Variants in GON4L observed in about 807,000 individuals in gnomAD.
GON4L encodes the protein gon-4 like.
A neutral mutation model predicts 211.8 loss-of-function variants in GON4L; 87 were observed. The observed-to-expected ratio is 0.41, with a 90% CI of 0.35 to 0.49. GON4L has a LOEUF of 0.49. GON4L is among the 20% of genes least tolerant of loss of function. The pLI is 0.15. For synonymous variants in GON4L, 875 were observed against 962.6 expected (o/e 0.91, Z 1.68); for missense variants, 2,155 against 2,659.5 (o/e 0.81, Z 4.17).
chr1:155,813,883 G>C lies in GON4L; in HGVS notation c.1282-79C>G, dbSNP rs1163984539. 22 of 1,171,136 alleles carry C rather than the reference G, an allele frequency of 1.9e-5. No homozygotes were observed. In the Admixed American group the frequency reaches 3.7e-4, roughly 20 times the overall value. 72.5% of individuals were successfully genotyped at this position (1,171,136 alleles called of 1,614,324 possible). ...AAAGCAAAAAAAGGAAAAAAAGAGA[G>C]GGAAAAAGAGGCAGACTTTCCATAC... On this transcript the variant is annotated intron_variant, in intron 9 of 31. Transcript: ENST00000368331.
intron 2 of GON4L, among the ~76,000 whole-genome samples, chr1:155,838,924 G>T (rs968751057): frequency 6.6e-6 from 1 of 151,592 alleles, no homozygotes; most frequent in Non-Finnish European, 1.5e-5. Context: ...ATTAAGAAAG[G>T]AATATTATAT....
intron 2 of GON4L, chr1:155,846,083 A>C (rs1438848014): frequency 4.4e-6 from 1 of 225,994 alleles, no homozygotes; most frequent in Non-Finnish European, 9.9e-6. Flanking sequence ...GCCAGTCATT[A>C]GCCTATAGGA....
intron 2 of GON4L, among the ~76,000 whole-genome samples, chr1:155,832,663 TAAC>T (rs1045391994): frequency 3.9e-5 from 6 of 152,016 alleles, no homozygotes; most frequent in South Asian, 4.2e-4. Flanking sequence ...AAACAAACAA[TAAC>T]AACAACAAAA....
intron 13 of GON4L, 119 bp from the exon 14 acceptor site, chr1:155,784,208 A>G: frequency 1.5e-6 from 2 of 1,373,008 alleles, no homozygotes; most frequent in Admixed American, 3.9e-5. Flanking sequence ...TGGCACCCAG[A>G]AAGAGCCAAT....
At chr1:155,749,246 C>T (rs986132239), downstream of GON4L, 18 of 1,550,470 alleles carry the variant, frequency 1.2e-5, no homozygotes, top group African/African-American at 2.3e-4. Flanking sequence ...GAGCAAAACT[C>T]TGTCTCAAAA....
intron 3 of GON4L, among the ~76,000 whole-genome samples, chr1:155,826,048 A>G (rs1669180327): frequency 6.6e-6 from 1 of 152,064 alleles, no homozygotes; most frequent in Non-Finnish European, 1.5e-5. Context: ...TGTGTCTCAA[A>G]AAAAAAGAAA....
At chr1:155,780,219 T>C (rs1664282000) in intron 14 of GON4L, among the ~76,000 whole-genome samples, 1 of 152,228 alleles carries the variant, frequency 6.6e-6, no homozygotes, top group African/African-American at 2.4e-5. Flanking sequence ...TTTTAGTATA[T>C]CCTTTTCCTG....
At chr1:155,839,083 G>T (rs918894078) in intron 2 of GON4L, among the ~76,000 whole-genome samples, 1 of 151,994 alleles carries the variant, frequency 6.6e-6, no homozygotes, top group African/African-American at 2.4e-5. Flanking sequence ...TTGAGAAAAA[G>T]AATAATTGTG....
intron 3 of GON4L, among the ~76,000 whole-genome samples, chr1:155,825,799 T>C (rs561354551): frequency 6.6e-6 from 1 of 151,828 alleles, no homozygotes; most frequent in Non-Finnish European, 1.5e-5. Context: ...TCCCAGCACT[T>C]TGGAAAGCCA....
At chr1:155,767,255 G>A in intron 20 of GON4L, 170 bp downstream of exon 20, 4 of 1,461,294 alleles carry the variant, frequency 2.7e-6, no homozygotes, top group Non-Finnish European at 3.7e-6. Context: ...AAATGCTGTA[G>A]AATCACCCAG....
intron 10 of GON4L, among the ~76,000 whole-genome samples, chr1:155,806,246 G>A (rs1321469031): frequency 6.6e-6 from 1 of 151,000 alleles, no homozygotes; most frequent in Non-Finnish European, 1.5e-5. Flanking sequence ...TCCATCTCCC[G>A]GGTTCGGGTG....
intron 11 of GON4L, among the ~76,000 whole-genome samples, chr1:155,796,737 A>G (rs975406145): frequency 6.6e-6 from 1 of 152,150 alleles, no homozygotes; most frequent in Admixed American, 6.6e-5. Flanking sequence ...GATGATGGAA[A>G]TGATCTATAC....
intron 12 of GON4L, among the ~76,000 whole-genome samples, chr1:155,792,246 T>G (rs1450628183): frequency 6.6e-6 from 1 of 152,212 alleles, no homozygotes; most frequent in Non-Finnish European, 1.5e-5. Flanking sequence ...CTTTTTAATT[T>G]TTTTATTTTA....
Position 155,814,324 on chromosome 1 carries a change from A to G in GON4L, c.1281+6T>C. 2 of 1,612,146 alleles carry G rather than the reference A, an allele frequency of 1.2e-6. No individual in the cohort carries two copies. Among genetic ancestry groups the G allele is most frequent in the South Asian group, 2.2e-5 (2 of 91,048 alleles). On this transcript the variant is annotated splice_donor_region_variant and intron_variant, in intron 9 of 31. Coordinates refer to ENST00000368331, the MANE Select transcript of GON4L (RefSeq NM_001282860.2). The stretch of plus-strand genomic sequence containing the variant: ...CTAACATCTCTTTTGTATGATGCCG[A>G]TTTACCTCTGATAATATGCCACTCT...
chr1:155,757,396 A>C, intron 25 of GON4L, 73 bp from the exon 26 acceptor site: 1 of 1,315,220 alleles, frequency 7.6e-7, no homozygotes, highest in Non-Finnish European at 1.1e-6. Context: ...TCAATCCCAC[A>C]TACTTCCATG....
intron 2 of GON4L, among the ~76,000 whole-genome samples, chr1:155,846,969 C>T (rs770280438): frequency 6.6e-6 from 1 of 152,038 alleles, no homozygotes; most frequent in East Asian, 1.9e-4. Context: ...CATTGCACTA[C>T]GGCCTGGGAA....
chr1:155,847,213 G>C (rs1443707959), intron 2 of GON4L, among the ~76,000 whole-genome samples: 1 of 152,108 alleles, frequency 6.6e-6, no homozygotes, highest in Non-Finnish European at 1.5e-5. Context: ...TCTCAGGCTT[G>C]GGATCCAGGC....
In GON4L at chr1:155,768,795, T is replaced by TG. The variant is rs916315698; in HGVS notation, c.2647-1255_2647-1254insC. Among the ~76,000 whole-genome samples, 3 of 152,268 alleles carry TG rather than the reference T, an allele frequency of 2.0e-5. No homozygotes were observed. In the East Asian group the frequency reaches 5.8e-4, roughly 29 times the overall value. On this transcript the variant is annotated intron_variant, in intron 19 of 31. Transcript: ENST00000368331. The stretch of plus-strand genomic sequence containing the variant: ...GTTTCTCCCAACCTCTGATAGCATG[T>TG]AAGATTTTTCCTTTGGCTCCAATGT...
At position 155,764,157 on chromosome 1, in the gene GON4L, T is replaced by C. The variant is rs377223515; in HGVS notation, c.4474-593A>G. Among the ~76,000 whole-genome samples, 14 of 152,062 alleles carry C rather than the reference T, an allele frequency of 9.2e-5. No individual in the cohort carries two copies. In the East Asian group the frequency reaches 1.6e-3, roughly 17 times the overall value. ...ACAAACTTCTGTAACCTGAAGATAG[T>C]TTTCAGGCTGGAGTGAGATGGTGCA... On this transcript the variant is annotated intron_variant, in intron 21 of 31. Transcript: ENST00000368331.
Sources: allele counts gnomAD v4.1 joint callset (sites outside exome capture counted in the v4.1 genomes callset), GRCh38; gene constraint gnomAD v4.1.1; transcripts MANE v1.5; gene names NCBI Gene and HGNC (gene_info 2026-07-23, HGNC 2026-07-21).